The following COL22A1 variants were observed in gnomAD, a reference collection of about 807,000 sequenced individuals.
COL22A1 encodes collagen alpha-1(XXII) chain.
A neutral mutation model predicts 248.9 loss-of-function variants in COL22A1; 221 were observed. That is an observed-to-expected ratio of 0.89 (90% confidence interval 0.80 to 0.99). The LOEUF (loss-of-function observed/expected upper bound fraction) is 0.99. Ranked by LOEUF, COL22A1 falls within the 50% of genes least tolerant of loss-of-function variation. COL22A1 has a pLI of 0.00. For synonymous variants in COL22A1, 891 were observed against 793.4 expected, an observed-to-expected ratio of 1.12 and a Z score of -2.07; for missense variants, 2,240 against 2,179.0, an observed-to-expected ratio of 1.03 and a Z score of -0.56.
At chr8:138,604,884 C>A in intron 58 of COL22A1, 115 bp from the exon 59 acceptor site, 7 of 956,190 alleles carry the variant, frequency 7.3e-6, no homozygotes, top group Admixed American at 2.0e-5. Flanking sequence ...AGACAACAAT[C>A]GATGGTCTAC....
At chr8:138,590,695 T>C (rs1816967167) in intron 64 of COL22A1, among the ~76,000 whole-genome samples, 2 of 152,164 alleles carry the variant, frequency 1.3e-5, no homozygotes, top group South Asian at 4.1e-4. Flanking sequence ...GAAATTAAAG[T>C]TAAATAAAAA....
intron 15 of COL22A1, 34 bp downstream of exon 15, chr8:138,778,319 T>C: frequency 6.2e-7 from 1 of 1,613,694 alleles, no homozygotes; most frequent in African/African-American, 1.3e-5. Context: ...GGAGAAGGGG[T>C]AGAACCCCTG....
intron 21 of COL22A1, among the ~76,000 whole-genome samples, chr8:138,754,441 T>C (rs1832836711): frequency 6.6e-6 from 1 of 152,206 alleles, no homozygotes; most frequent in Non-Finnish European, 1.5e-5. Flanking sequence ...TCATAAAGAG[T>C]GGGCCTCAAT....
At chr8:138,887,155 T>C (rs536594541) in intron 1 of COL22A1, among the ~76,000 whole-genome samples, 18 of 152,108 alleles carry the variant, frequency 1.2e-4, no homozygotes, top group Non-Finnish European at 2.5e-4. Context: ...ATTCTATTCT[T>C]TTACCTGTTA....
intron 1 of COL22A1, among the ~76,000 whole-genome samples, chr8:138,891,035 T>C (rs1034919796): frequency 6.6e-5 from 10 of 151,830 alleles, no homozygotes; most frequent in African/African-American, 2.2e-4. Context: ...AAAAAAAGTT[T>C]GTTGTGTTCC....
chr8:138,641,213 T>C (rs979539541), intron 47 of COL22A1, among the ~76,000 whole-genome samples: 2 of 152,180 alleles, frequency 1.3e-5, no homozygotes, highest in Admixed American at 1.3e-4. Context: ...CTAGGCAGGA[T>C]GGGAATCCCA....
chr8:138,794,381 A>G (rs1816316667), intron 12 of COL22A1, among the ~76,000 whole-genome samples: 1 of 150,316 alleles, frequency 6.7e-6, no homozygotes, highest in Non-Finnish European at 1.5e-5. Flanking sequence ...GTGAGACTCC[A>G]TCTCCAAAAA....
rs750731312 is a variant in COL22A1 at position 138,877,901 on chromosome 8, G to A, written c.507C>T (p.Gly169=). ...LDAAAAAHRA[G]IRIFAVGVGE... ...CCACGCCCACGGCAAAGATGCGGAT[G>A]CCAGCGCGGTGGGCTGCCGCCGCGG... is the stretch of plus-strand genomic sequence containing the variant. Residue 169 remains glycine, a synonymous_variant, in exon 3 of 65, where the codon GGC becomes GGT. Coordinates refer to ENST00000303045, the MANE Select transcript of COL22A1 (RefSeq NM_152888.3). 1.9e-6 allele frequency: 3 copies of A among 1,611,284 alleles called. No homozygotes were observed. Among genetic ancestry groups the A allele is most frequent in the Non-Finnish European group, 2.5e-6 (3 of 1,178,982 alleles).
chr8:138,590,274 G>A (rs571095848), intron 64 of COL22A1, among the ~76,000 whole-genome samples: 1 of 152,158 alleles, frequency 6.6e-6, no homozygotes, highest in Non-Finnish European at 1.5e-5. Context: ...TACTTAAAAA[G>A]ATCTGTAGAT....
chr8:138,661,982 G>A, intron 43 of COL22A1, 48 bp downstream of exon 43: 2 of 1,472,422 alleles, frequency 1.4e-6, no homozygotes. Context: ...GGCTTTCAGG[G>A]GTCATGTAAG....
At chr8:138,742,160 TTGATGG>T (rs1287741028) in intron 22 of COL22A1, among the ~76,000 whole-genome samples, 4 of 128,328 alleles carry the variant, frequency 3.1e-5, no homozygotes, top group African/African-American at 9.1e-5. Context: ...GATGGTGGAG[TTGATGG>T]TGATGGTGAT....
chr8:138,683,196 A>G lies in COL22A1; in HGVS notation c.3012+1229T>C, dbSNP rs532833693. 3.9e-5 allele frequency among the ~76,000 whole-genome samples: 6 copies of G among 152,316 alleles called. No homozygotes were observed. In the East Asian group the frequency reaches 1.2e-3, roughly 29 times the overall value. On this transcript the variant is annotated intron_variant, in intron 39 of 64. Transcript: ENST00000303045. ...TGAGCCACTGGAGGTCCTGAAACAC[A>G]TGATATGCACTGTTGTCATCCCACA...
chr8:138,715,592 A>T, intron 30 of COL22A1, 90 bp downstream of exon 30: 34 of 733,858 alleles, frequency 4.6e-5, no homozygotes, highest in East Asian at 1.1e-4. Context: ...AAAAAAAAAA[A>T]GATAGAGTAT....
chr8:138,593,360 T>C (rs917583990), intron 63 of COL22A1, among the ~76,000 whole-genome samples: 7 of 152,112 alleles, frequency 4.6e-5, no homozygotes, highest in Non-Finnish European at 1.0e-4. Context: ...GTTCAGCACA[T>C]GTATCCCAGA....
chr8:138,690,991 GACC>G, intron 35 of COL22A1, 117 bp from the exon 36 acceptor site: 1 of 759,590 alleles, frequency 1.3e-6, no homozygotes, highest in Non-Finnish European at 2.1e-6. Context: ...AACTGCTGCT[GACC>G]TGACAGCCTC....
At chr8:138,724,810 G>A in intron 24 of COL22A1, 142 bp from the exon 25 acceptor site, 2 of 734,702 alleles carry the variant, frequency 2.7e-6, no homozygotes, top group South Asian at 1.6e-5. Flanking sequence ...GTCATCCGCT[G>A]TGAAACGCGG....
At chr8:138,682,221 G>GCATGCATGCATTCCAGAAGTGTTGAAT (rs1826018749) in intron 39 of COL22A1, among the ~76,000 whole-genome samples, 1 of 151,970 alleles carries the variant, frequency 6.6e-6, no homozygotes, top group African/African-American at 2.4e-5. Flanking sequence ...AGTAATAGCA[G>GCATGCATGCATTCCAGAAGTGTTGAAT]CATGCATGCA....
chr8:138,754,796 T>C (rs956099804), intron 21 of COL22A1, among the ~76,000 whole-genome samples: 6 of 152,244 alleles, frequency 3.9e-5, no homozygotes, highest in Admixed American at 2.6e-4. Context: ...AGTGATTCAG[T>C]CGGCATGTAA....
At chr8:138,591,373 G>T in intron 64 of COL22A1, 51 bp downstream of exon 64, 1 of 1,395,864 alleles carries the variant, frequency 7.2e-7, no homozygotes, top group Non-Finnish European at 9.7e-7. Context: ...GGGGTGCTGG[G>T]TCTCCAGGGT....
Sources: gnomAD v4.1 joint callset for allele counts (sites outside exome capture counted in the v4.1 genomes callset) on GRCh38, gnomAD v4.1.1 for gene constraint, MANE v1.5 for transcripts, NCBI Gene and HGNC (gene_info 2026-07-23, HGNC 2026-07-21) for gene names.